KATNIP: variants seen among roughly 807,000 people sequenced by gnomAD.
KATNIP encodes the protein katanin-interacting protein.
In KATNIP, 126 loss-of-function variants were observed where a neutral mutation model predicts 174.0. The observed-to-expected ratio is 0.72, with a 90% CI of 0.63 to 0.84. KATNIP has a LOEUF of 0.84. Among genes scored for constraint, KATNIP ranks in the 40% least tolerant of loss-of-function variants. The pLI is 0.00. For synonymous variants in KATNIP, 810 were observed against 835.7 expected, an observed-to-expected ratio of 0.97 and a Z score of 0.53; for missense variants, 1,958 against 2,109.7, an observed-to-expected ratio of 0.93 and a Z score of 1.41.
At position 27,648,761 on chromosome 16, in the gene KATNIP, C is replaced by T. The variant is rs58888399; in HGVS notation, c.540+26C>T. On this transcript the variant is annotated intron_variant, in intron 6 of 27. Transcript: ENST00000261588. ...GTAGGGATGGCCTTGGCCTTGTGCT[C>T]GGGACACCTGAAGGACGGCGAGGCT... The T allele has an allele frequency of 1.9e-3, 3,062 of 1,608,126 alleles. 50 individuals carry two copies. In the African/African-American group the frequency reaches 0.033, roughly 17 times the overall value.
At chr16:27,719,341 G>T (rs1280407414) in intron 13 of KATNIP, among the ~76,000 whole-genome samples, 1 of 152,184 alleles carries the variant, frequency 6.6e-6, no homozygotes, top group African/African-American at 2.4e-5. Flanking sequence ...AGAGGGGTCA[G>T]AAATCTGGCT....
intron 1 of KATNIP, among the ~76,000 whole-genome samples, chr16:27,555,457 T>C (rs1224195600): frequency 2.0e-5 from 3 of 152,242 alleles, no homozygotes; most frequent in Non-Finnish European, 2.9e-5. Context: ...AGCCTTGGTT[T>C]TCCTGTCAGT....
chr16:27,725,009 C>T (rs2080387825), intron 14 of KATNIP, among the ~76,000 whole-genome samples: 1 of 152,102 alleles, frequency 6.6e-6, no homozygotes, highest in African/African-American at 2.4e-5. Flanking sequence ...CTTGGTGATT[C>T]TGTAAGTGTC....
intron 8 of KATNIP, among the ~76,000 whole-genome samples, chr16:27,682,089 TTCTTTTATTTTTGTTTTAC>T (rs1159745862): frequency 6.6e-6 from 1 of 152,198 alleles, no homozygotes; most frequent in East Asian, 1.9e-4. Flanking sequence ...CATTGAAAAT[TTCTTTTATTTTTGTTTTAC>T]TCTTAAATGA....
rs1375622648 is a variant in KATNIP at position 27,749,291 on chromosome 16, T to A, written c.2624-293T>A. Among the ~76,000 whole-genome samples, 3 of 152,364 alleles carry A rather than the reference T, an allele frequency of 2.0e-5. No homozygotes were observed. In the East Asian group the frequency reaches 5.8e-4, roughly 29 times the overall value. On this transcript the variant is annotated intron_variant, in intron 15 of 27. Coordinates refer to ENST00000261588, the MANE Select transcript of KATNIP (RefSeq NM_015202.5). Reference sequence around the variant, plus strand: ...ATTGGGTGATCATAGACAATTATTTTACCGACCTGAATGGCCCACAGGACA... The same window carrying A: ...ATTGGGTGATCATAGACAATTATTTAACCGACCTGAATGGCCCACAGGACA...
At chr16:27,635,146 G>A (rs1424590280) in intron 5 of KATNIP, among the ~76,000 whole-genome samples, 1 of 152,218 alleles carries the variant, frequency 6.6e-6, no homozygotes, top group Non-Finnish European at 1.5e-5. Flanking sequence ...TTAAACAAAA[G>A]CCTTAATGAT....
rs563119228 is a variant in KATNIP at position 27,574,657 on chromosome 16, C to T, written c.63+701C>T. ...TCAGCTCACTGCAACCTCCGCCTCC[C>T]GGGTTCAAGCAATTCTCCTGCCTTA... On this transcript the variant is annotated intron_variant, in intron 2 of 27. Coordinates refer to ENST00000261588, the MANE Select transcript of KATNIP (RefSeq NM_015202.5). Among the ~76,000 whole-genome samples, 224 of 150,264 alleles carry T rather than the reference C, an allele frequency of 1.5e-3. 1 individual carries two copies. The highest frequency in any genetic ancestry group is 0.014 in the Middle Eastern group (4 of 288).
At chr16:27,585,618 A>G (rs1171986350) in intron 2 of KATNIP, among the ~76,000 whole-genome samples, 1 of 152,248 alleles carries the variant, frequency 6.6e-6, no homozygotes, top group Non-Finnish European at 1.5e-5. Flanking sequence ...GTCATTTGCA[A>G]CAACATGGGT....
intron 13 of KATNIP, among the ~76,000 whole-genome samples, chr16:27,720,791 G>A (rs2080195614): frequency 6.6e-6 from 1 of 152,170 alleles, no homozygotes; most frequent in African/African-American, 2.4e-5. Context: ...AGCCAGCGTG[G>A]ACGCGTTTGG....
At chr16:27,766,237 G>T in intron 19 of KATNIP, 72 bp from the exon 20 acceptor site, 4 of 1,547,884 alleles carry the variant, frequency 2.6e-6, no homozygotes, top group Non-Finnish European at 3.5e-6. Context: ...GGCCGAGGGG[G>T]TGGGGGCCCC....
At chr16:27,596,049 T>C (rs2075325189) in intron 2 of KATNIP, among the ~76,000 whole-genome samples, 2 of 150,816 alleles carry the variant, frequency 1.3e-5, no homozygotes, top group Admixed American at 1.3e-4. Context: ...GGGCTTTTAC[T>C]CTGGGGGCAG....
intron 22 of KATNIP, 131 bp downstream of exon 22, chr16:27,771,783 G>A (rs1280411162): frequency 3.4e-6 from 3 of 869,676 alleles, no homozygotes; most frequent in Admixed American, 2.3e-5. Flanking sequence ...AACCAAGGCA[G>A]AGGATAGGAG....
chr16:27,693,914 GA>G (rs1021836873), intron 8 of KATNIP, among the ~76,000 whole-genome samples: 1 of 151,826 alleles, frequency 6.6e-6, no homozygotes, highest in East Asian at 1.9e-4. Context: ...TTTCTTGGGG[GA>G]AAAAAAAGCA....
At chr16:27,728,093 G>A (rs1203854237) in intron 14 of KATNIP, among the ~76,000 whole-genome samples, 1 of 152,256 alleles carries the variant, frequency 6.6e-6, no homozygotes, top group Non-Finnish European at 1.5e-5. Context: ...GGTCACCCGA[G>A]TCAGTGCGGC....
At chr16:27,715,446 C>CCT (rs1406866056) in intron 13 of KATNIP, among the ~76,000 whole-genome samples, 3 of 152,182 alleles carry the variant, frequency 2.0e-5, no homozygotes, top group African/African-American at 7.2e-5. Flanking sequence ...ATAAGTCAGA[C>CCT]TTCATCAAAA....
chr16:27,656,419 GAA>G (rs927275425), intron 6 of KATNIP, among the ~76,000 whole-genome samples: 3 of 34,438 alleles, frequency 8.7e-5, no homozygotes, highest in East Asian at 8.1e-4. Context: ...CTCTGTCTCA[GAA>G]AAAAAAAAAA....
chr16:27,604,521 C>T (rs2075640111), intron 2 of KATNIP, among the ~76,000 whole-genome samples: 1 of 152,188 alleles, frequency 6.6e-6, no homozygotes, highest in African/African-American at 2.4e-5. Context: ...ACTTGTGAGT[C>T]ACCGCACTCG....
intron 6 of KATNIP, among the ~76,000 whole-genome samples, chr16:27,674,360 A>G (rs1348389380): frequency 6.6e-6 from 1 of 152,272 alleles, no homozygotes; most frequent in African/African-American, 2.4e-5. Context: ...CCTAAAACTT[A>G]AAGTATAATA....
chr16:27,679,749 C>CA (rs60190438), intron 7 of KATNIP, among the ~76,000 whole-genome samples: 1,864 of 55,168 alleles, frequency 0.034, 27 homozygotes, highest in African/African-American at 0.048. Context: ...GAGACCCTCT[C>CA]AAAAAAAAAA....
Sources: allele counts gnomAD v4.1 joint callset (sites outside exome capture counted in the v4.1 genomes callset), GRCh38; gene constraint gnomAD v4.1.1; transcripts MANE v1.5; gene names NCBI Gene and HGNC (gene_info 2026-07-23, HGNC 2026-07-21).